The following RAD9B variants were observed in gnomAD, a reference collection of about 807,000 sequenced individuals.
RAD9B encodes RAD9 checkpoint clamp component B.
Under a neutral mutation model 48.3 loss-of-function variants are expected in RAD9B, and 41 were observed. The observed-to-expected ratio is 0.85, with a 90% CI of 0.66 to 1.10. The LOEUF (loss-of-function observed/expected upper bound fraction) is 1.10, where lower values mean the gene tolerates loss of function less well. RAD9B is among the 50% of genes least tolerant of loss of function. The probability of loss-of-function intolerance (pLI) is 0.00; values close to 1 mark genes in which losing one functional copy is unlikely to be tolerated. For missense variants in RAD9B, 444 were observed against 485.1 expected (o/e 0.92, Z 0.80); for synonymous variants, 160 against 157.9 (o/e 1.01, Z -0.10).
intron 9 of RAD9B, among the ~76,000 whole-genome samples, chr12:110,521,161 T>A (rs112816308): frequency 5.6e-4 from 85 of 152,232 alleles, no homozygotes; most frequent in East Asian, 1.4e-3. Context: ...TCAAATTTTT[T>A]AAAAAAATTT....
chr12:110,530,987 T>G lies in RAD9B; in HGVS notation c.*334T>G, dbSNP rs1254338050. ...TTTTATAAAGGTATTTAAACTTTAT[T>G]CAACAGCCATTTAGAGTGCCATCAA... On this transcript the variant is annotated 3_prime_UTR_variant, in exon 11 of 11. Transcript: ENST00000409300. 2.9e-6 allele frequency: 3 copies of G among 1,025,378 alleles called. No homozygotes were observed. The African/African-American group carries it at 5.1e-5, about 18-fold the overall frequency. 63.5% of individuals were successfully genotyped at this position (1,025,378 alleles called of 1,614,324 possible).
rs190908604 is a variant in RAD9B, at chr12:110,517,538, C to T, written c.596-1138C>T. ...ACTCAGGGGGCTGAGGCAGGAGAAT[C>T]GCTAGAATCTGGCAGGTGGACCTTG... On this transcript the variant is annotated intron_variant, in intron 6 of 10. Transcript: ENST00000409300. Among the ~76,000 whole-genome samples the T allele has an allele frequency of 2.4e-3, 357 of 151,774 alleles. 2 individuals carry two copies. The highest frequency in any genetic ancestry group is 0.017 in the Middle Eastern group (5 of 292).
chr12:110,519,916 G>A lies in RAD9B; in HGVS notation c.890G>A (p.Arg297Lys). 2 of 1,610,148 alleles carry A rather than the reference G, an allele frequency of 1.2e-6. No homozygotes were observed. The highest frequency in any genetic ancestry group is 1.1e-5 in the South Asian group (1 of 89,914). The change falls in exon 9 of 11, where the codon AGG (arginine) becomes AAG (lysine). Residue 297 changes from arginine (R) to lysine (K), a missense_variant and splice_region_variant. By Grantham distance (26) the Arg-to-Lys change is conservative. Coordinates refer to ENST00000409300, the MANE Select transcript of RAD9B (RefSeq NM_001286535.2). ...QSLCLSQKRK[R>K]SDLIEKKAGK... ...CTGTGTCTTTCACAGAAACGAAAAA[G>A]GTAAGACTGTGTTTTAACTTCTTTA...
At position 110,519,789 on chromosome 12, in the gene RAD9B, T is replaced by G. The variant is rs778389290; in HGVS notation, c.768-5T>G. ...GTCACTGTTGCTCTGACTTGGCTTT[T>G]TTAGACCTCTGGCTTTGAGTATTGA... On this transcript the variant is annotated splice_region_variant and splice_polypyrimidine_tract_variant and intron_variant, in intron 8 of 10. Transcript: ENST00000409300. The G allele has an allele frequency of 1.2e-6, 2 of 1,603,186 alleles. No homozygotes were observed. The highest frequency in any genetic ancestry group is 1.7e-6 in the Non-Finnish European group (2 of 1,176,800).
Position 110,504,338 on chromosome 12 carries a change from G to A in RAD9B, c.117+462G>A, listed in dbSNP as rs565927913. On this transcript the variant is annotated intron_variant, in intron 2 of 10. Coordinates refer to ENST00000409300, the MANE Select transcript of RAD9B (RefSeq NM_001286535.2). ...ATAAAAATTAGCCTGGCATGGTGGT[G>A]GGCACCTGTAATCCCAGCTACTCGG... 2.6e-4 allele frequency among the ~76,000 whole-genome samples: 39 copies of A among 151,740 alleles called. 1 individual carries two copies. The South Asian group carries it at 8.1e-3, about 32-fold the overall frequency.
intron 4 of RAD9B, among the ~76,000 whole-genome samples, chr12:110,507,062 A>G (rs1006617013): frequency 7.3e-5 from 11 of 151,210 alleles, no homozygotes; most frequent in Non-Finnish European, 1.3e-4. Flanking sequence ...CTGATCTCGA[A>G]CTCCTGACCT....
intron 5 of RAD9B, among the ~76,000 whole-genome samples, chr12:110,514,804 G>A (rs2063561147): frequency 6.6e-6 from 1 of 152,150 alleles, no homozygotes. Context: ...GTACTGCAGC[G>A]TTCATGTGTT....
At position 110,513,004 on chromosome 12, in the gene RAD9B, C is replaced by T. The variant is rs918715016; in HGVS notation, c.488+126C>T. On this transcript the variant is annotated intron_variant, in intron 5 of 10. Coordinates refer to ENST00000409300, the MANE Select transcript of RAD9B (RefSeq NM_001286535.2). ...TTTTTTATATGGAGTCTCGCTGTGT[C>T]GCCCAGGCTGGAGTGCAGTGGCGCG... 162 of 576,420 alleles carry T rather than the reference C, an allele frequency of 2.8e-4. 2 individuals carry two copies. Among genetic ancestry groups the T allele is most frequent in the South Asian group, 2.3e-3 (123 of 52,856 alleles). The allele number at this position is 576,420 out of a possible 1,614,324, so 35.7% of individuals were successfully genotyped here.
At chr12:110,517,328 C>CA (rs1289168692) in intron 6 of RAD9B, among the ~76,000 whole-genome samples, 1 of 151,164 alleles carries the variant, frequency 6.6e-6, no homozygotes, top group African/African-American at 2.4e-5. Flanking sequence ...GACCCAGTCT[C>CA]AAAAAAAATT....
Position 110,518,799 on chromosome 12 carries a change from A to T in RAD9B, c.702+17A>T, listed in dbSNP as rs914712042. On this transcript the variant is annotated intron_variant, in intron 7 of 10. Transcript: ENST00000409300. ...GAATTGAAGGTAAATAAAGATTTGT[A>T]TCAATTTAAAATTCAAATTTTCACT... is the stretch of plus-strand genomic sequence containing the variant. 5.1e-6 allele frequency: 8 copies of T among 1,575,520 alleles called. No homozygotes were observed. Among genetic ancestry groups the T allele is most frequent in the Non-Finnish European group, 6.9e-6 (8 of 1,156,238 alleles).
intron 9 of RAD9B, 24 bp downstream of exon 9, chr12:110,519,940 T>C (rs781071495): frequency 1.9e-6 from 3 of 1,605,826 alleles, no homozygotes; most frequent in South Asian, 2.2e-5. Context: ...TTAACTTCTT[T>C]ATTACTTGGG....
intron 10 of RAD9B, among the ~76,000 whole-genome samples, chr12:110,529,142 T>C (rs1007590263): frequency 6.6e-6 from 1 of 151,924 alleles, no homozygotes; most frequent in African/African-American, 2.4e-5. Flanking sequence ...GGGATGAGGT[T>C]AGGCTATTTG....
intron 6 of RAD9B, among the ~76,000 whole-genome samples, chr12:110,516,333 A>G (rs1395815204): frequency 6.6e-6 from 1 of 151,986 alleles, no homozygotes; most frequent in African/African-American, 2.4e-5. Flanking sequence ...CTGAATAAAG[A>G]TGGCCATTTA....
In RAD9B at chr12:110,531,133, T is replaced by C; in HGVS notation, c.*480T>C. On this transcript the variant is annotated 3_prime_UTR_variant, in exon 11 of 11. Coordinates refer to ENST00000409300, the MANE Select transcript of RAD9B (RefSeq NM_001286535.2). Reference sequence around the variant, plus strand: ...CCTTTTTTGTGCATTGTTTTTTATATTTTAAGACTTTAAGTAGAATAAACC... The same window carrying C: ...CCTTTTTTGTGCATTGTTTTTTATACTTTAAGACTTTAAGTAGAATAAACC... The C allele has an allele frequency of 1.0e-6, 1 of 992,514 alleles. No individual in the cohort carries two copies. The highest frequency in any genetic ancestry group is 1.2e-6 in the Non-Finnish European group (1 of 833,384). The allele number at this position is 992,514 out of a possible 1,614,324, so 61.5% of individuals were successfully genotyped here.
chr12:110,502,406 C>T, intron 1 of RAD9B, 23 bp downstream of exon 1: 2 of 1,612,696 alleles, frequency 1.2e-6, no homozygotes, highest in South Asian at 1.1e-5. Flanking sequence ...TTGTTGTCTT[C>T]CCATTTAGCA....
intron 5 of RAD9B, among the ~76,000 whole-genome samples, chr12:110,514,011 A>C (rs1017444660): frequency 6.6e-6 from 1 of 151,876 alleles, no homozygotes; most frequent in Non-Finnish European, 1.5e-5. Flanking sequence ...TACAGGCGTG[A>C]GCTACCACAT....
chr12:110,520,194 TTTGTTG>T (rs60595280), intron 9 of RAD9B, among the ~76,000 whole-genome samples: 10 of 151,642 alleles, frequency 6.6e-5, no homozygotes, highest in Non-Finnish European at 1.2e-4. Context: ...ATTTTTAGTT[TTTGTTG>T]TTGTTGTTGT....
In RAD9B at chr12:110,518,783, G is replaced by T; in HGVS notation, c.702+1G>T. 6.3e-7 allele frequency: 1 copy of T among 1,588,036 alleles called. No homozygotes were observed. The highest frequency in any genetic ancestry group is 8.6e-7 in the Non-Finnish European group (1 of 1,162,870). The stretch of plus-strand genomic sequence containing the variant: ...AACATTTTGTTTCAAAGAATTGAAG[G>T]TAAATAAAGATTTGTATCAATTTAA... On this transcript the variant is annotated splice_donor_variant, in intron 7 of 10. Coordinates refer to ENST00000409300, the MANE Select transcript of RAD9B (RefSeq NM_001286535.2). LOFTEE classifies it high-confidence loss of function.
chr12:110,531,517 T>C lies in RAD9B; in HGVS notation c.*864T>C. The C allele has an allele frequency of 3.9e-6, 5 of 1,292,136 alleles. No individual in the cohort carries two copies. Among genetic ancestry groups the C allele is most frequent in the South Asian group, 2.5e-5 (2 of 81,092 alleles). 80.0% of individuals were successfully genotyped at this position (1,292,136 alleles called of 1,614,324 possible). On this transcript the variant is annotated 3_prime_UTR_variant, in exon 11 of 11. Transcript: ENST00000409300. ...TGGAGTGTTTTTACATATTGTAAAA[T>C]TTTATTTCCTAACCTCAAATTGTTC... is the stretch of plus-strand genomic sequence containing the variant.
Sources: gnomAD v4.1 joint callset for allele counts (sites outside exome capture counted in the v4.1 genomes callset) on GRCh38, gnomAD v4.1.1 for gene constraint, MANE v1.5 for transcripts, NCBI Gene and HGNC (gene_info 2026-07-23, HGNC 2026-07-21) for gene names.